The following MAF variants were observed in gnomAD, a reference collection of about 807,000 sequenced individuals.
MAF encodes the protein transcription factor Maf.
A neutral mutation model predicts 22.0 loss-of-function variants in MAF; 10 were observed. The ratio of observed to expected loss-of-function variants is 0.45; its 90% confidence interval spans 0.28 to 0.77. The LOEUF is 0.77. MAF is among the 30% of genes least tolerant of loss of function. The pLI is 0.12. For missense variants in MAF, 544 were observed against 548.4 expected, an observed-to-expected ratio of 0.99 and a Z score of 0.08; for synonymous variants, 337 against 255.8, an observed-to-expected ratio of 1.32 and a Z score of -3.03.
chr16:79,396,948 C>T, the MAF span, among the ~76,000 whole-genome samples: 2 of 152,218 alleles, frequency 1.3e-5, no homozygotes, highest in East Asian at 3.9e-4. Context: ...CCTGGGCACT[C>T]CAGGCCAGCT....
chr16:79,393,541 G>A, the MAF span, among the ~76,000 whole-genome samples: 63 of 152,194 alleles, frequency 4.1e-4, no homozygotes, highest in African/African-American at 1.5e-3. Flanking sequence ...ACTTCTGCCT[G>A]ATTAGACCTC....
chr16:79,388,231 T>G, the MAF span, among the ~76,000 whole-genome samples: 1 of 150,432 alleles, frequency 6.6e-6, no homozygotes, highest in Middle Eastern at 3.4e-3. Flanking sequence ...GTCTGGGTTA[T>G]GTGTGCCGAT....
chr16:79,418,686 C>T, the MAF span, among the ~76,000 whole-genome samples: 1 of 152,148 alleles, frequency 6.6e-6, no homozygotes, highest in Non-Finnish European at 1.5e-5. Flanking sequence ...TCACATATGG[C>T]AACATGATCC....
At chr16:79,371,351 G>C in the MAF span, among the ~76,000 whole-genome samples, 14 of 152,214 alleles carry the variant, frequency 9.2e-5, no homozygotes, top group African/African-American at 2.9e-4. Flanking sequence ...CTAGTCAAAG[G>C]AGTCACAGAG....
At chr16:79,532,103 A>G in the MAF span, among the ~76,000 whole-genome samples, 1 of 152,106 alleles carries the variant, frequency 6.6e-6, no homozygotes, top group Non-Finnish European at 1.5e-5. Flanking sequence ...ATACTAAAAT[A>G]TATTTGTCAT....
the MAF span, among the ~76,000 whole-genome samples, chr16:79,522,662 G>A: frequency 1.1e-4 from 16 of 152,248 alleles, 1 homozygote; most frequent in African/African-American, 3.9e-4. Context: ...TTGCATGCAG[G>A]GTCCCAGTAA....
chr16:79,530,776 T>C, the MAF span, among the ~76,000 whole-genome samples: 1 of 152,246 alleles, frequency 6.6e-6, no homozygotes, highest in Admixed American at 6.5e-5. Flanking sequence ...TTGTATCCTT[T>C]CAAAATCAGT....
the MAF span, among the ~76,000 whole-genome samples, chr16:79,467,281 C>G: frequency 6.6e-6 from 1 of 152,188 alleles, no homozygotes; most frequent in East Asian, 1.9e-4. Flanking sequence ...CAGTCTCTCA[C>G]TGCCTCAATC....
the MAF span, among the ~76,000 whole-genome samples, chr16:79,449,993 C>T: frequency 3.8e-4 from 58 of 152,294 alleles, no homozygotes; most frequent in East Asian, 7.0e-3. Context: ...AATTGACAGA[C>T]GCCGCTAAAA....
At chr16:79,466,771 T>A in the MAF span, among the ~76,000 whole-genome samples, 3 of 152,354 alleles carry the variant, frequency 2.0e-5, no homozygotes, top group Admixed American at 6.5e-5. Context: ...CCATGGGGAA[T>A]AATTATCTCA....
At chr16:79,537,659 G>A in the MAF span, among the ~76,000 whole-genome samples, 2 of 152,162 alleles carry the variant, frequency 1.3e-5, no homozygotes, top group African/African-American at 4.8e-5. Context: ...ATGAACTTCA[G>A]AACAGATGGC....
At chr16:79,223,360 C>T in the MAF span, among the ~76,000 whole-genome samples, 138 of 152,144 alleles carry the variant, frequency 9.1e-4, no homozygotes, top group African/African-American at 3.3e-3. Context: ...CACATTTAAA[C>T]CAGTGTGTAG....
chr16:79,591,816 T>A (rs1400976371), downstream of MAF, among the ~76,000 whole-genome samples: 3 of 152,250 alleles, frequency 2.0e-5, no homozygotes, highest in Non-Finnish European at 4.4e-5. Flanking sequence ...TGGTACAACA[T>A]GTCTGGCTGG....
the MAF span, among the ~76,000 whole-genome samples, chr16:79,491,267 A>C: frequency 6.6e-6 from 1 of 152,208 alleles, no homozygotes; most frequent in African/African-American, 2.4e-5. Context: ...CACCAACCTG[A>C]GTGGGCAGTT....
the MAF span, among the ~76,000 whole-genome samples, chr16:79,313,625 G>A: frequency 2.0e-5 from 3 of 152,174 alleles, no homozygotes; most frequent in Admixed American, 2.0e-4. Flanking sequence ...TCAATCTTCA[G>A]TTTTTGTTGT....
chr16:79,554,134 C>G, the MAF span, among the ~76,000 whole-genome samples: 1 of 150,898 alleles, frequency 6.6e-6, no homozygotes, highest in Admixed American at 6.6e-5. Context: ...AACAAAACCA[C>G]CAAACCAAGA....
chr16:79,580,407 C>G, the MAF span, among the ~76,000 whole-genome samples: 1 of 152,182 alleles, frequency 6.6e-6, no homozygotes, highest in African/African-American at 2.4e-5. Context: ...ATGCCTAGGA[C>G]ACATCAATGA....
In MAF at chr16:79,599,594, G is replaced by A. The variant is rs765453083; in HGVS notation, c.309C>T (p.Pro103=). 2 of 1,608,350 alleles carry A rather than the reference G, an allele frequency of 1.2e-6. No individual in the cohort carries two copies. Among genetic ancestry groups the A allele is most frequent in the African/African-American group, 2.7e-5 (2 of 74,862 alleles). Residue 103 remains proline (P), a synonymous_variant, in exon 1 of 2, where the codon CCC becomes CCT. Transcript: ENST00000326043. ...WMTGYPQQLN[P]EALGFSPEDA... ...CCTCGGGGCTGAAGCCCAGCGCCTC[G>A]GGGTTCAGCTGCTGCGGGTAGCCGG...
the MAF span, among the ~76,000 whole-genome samples, chr16:79,276,755 G>C: frequency 6.6e-6 from 1 of 152,130 alleles, no homozygotes; most frequent in African/African-American, 2.4e-5. Flanking sequence ...CATTTCCTGG[G>C]ATTGCCTAAC....
Sources: allele counts gnomAD v4.1 joint callset (sites outside exome capture counted in the v4.1 genomes callset), GRCh38; gene constraint gnomAD v4.1.1; transcripts MANE v1.5; gene names NCBI Gene and HGNC (gene_info 2026-07-23, HGNC 2026-07-21).